Variants in PGM3 observed in about 807,000 individuals in gnomAD.
The protein encoded by PGM3 is phosphoglucomutase 3, also known as phosphoacetylglucosamine mutase.
PGM3 carries 40 observed loss-of-function variants against 66.2 expected under a neutral mutation model. That is an observed-to-expected ratio of 0.60 (90% CI 0.47 to 0.79). The LOEUF (loss-of-function observed/expected upper bound fraction) is 0.79, where lower values mean the gene tolerates loss of function less well. Ranked by LOEUF, PGM3 falls within the 30% of genes least tolerant of loss-of-function variation. The probability of loss-of-function intolerance (pLI) is 0.00; values close to 1 mark genes in which losing one functional copy is unlikely to be tolerated. For missense variants in PGM3, 537 were observed against 643.4 expected, an observed-to-expected ratio of 0.83 and a Z score of 1.79; for synonymous variants, 191 against 224.2, an observed-to-expected ratio of 0.85 and a Z score of 1.32.
At position 83,166,502 on chromosome 6, in the gene PGM3, T is replaced by C. The variant is rs547138127; in HGVS notation, c.*2732A>G. The C allele has an allele frequency of 1.0e-3, 718 of 697,752 alleles. No homozygotes were observed. The highest frequency in any genetic ancestry group is 1.7e-3 in the Non-Finnish European group (637 of 384,540). 43.2% of individuals were successfully genotyped at this position (697,752 alleles called of 1,614,324 possible). On this transcript the variant is annotated 3_prime_UTR_variant, in exon 13 of 13. Coordinates refer to ENST00000513973, the MANE Select transcript of PGM3 (RefSeq NM_015599.3). ...CTCAGAAAATCGCTAAATTTGATTTTTGTCTAACATCATTTCCATAGTCTA... is the reference window on the plus strand; with the variant it reads ...CTCAGAAAATCGCTAAATTTGATTTCTGTCTAACATCATTTCCATAGTCTA...
At chr6:83,171,608 A>G (rs1010753022) in intron 11 of PGM3, among the ~76,000 whole-genome samples, 1 of 152,156 alleles carries the variant, frequency 6.6e-6, no homozygotes, top group Non-Finnish European at 1.5e-5. Context: ...CTCCTGCCTC[A>G]GCCTCCCAAG....
At chr6:83,149,302 T>C in the PGM3 span, among the ~76,000 whole-genome samples, 2 of 152,186 alleles carry the variant, frequency 1.3e-5, no homozygotes, top group African/African-American at 4.8e-5. Context: ...GATTATTTGA[T>C]AAATGTTAGT....
chr6:83,161,782 T>C (rs1367201447), downstream of PGM3, among the ~76,000 whole-genome samples: 1 of 152,184 alleles, frequency 6.6e-6, no homozygotes, highest in African/African-American at 2.4e-5. Context: ...TACCAAAATT[T>C]AAAATATATA....
intron 2 of PGM3, 59 bp from the exon 3 acceptor site, chr6:83,188,857 C>T: frequency 2.7e-6 from 4 of 1,454,886 alleles, no homozygotes; most frequent in Non-Finnish European, 2.9e-6. Context: ...GAGTTGAGAA[C>T]AGAACTCAAA....
chr6:83,190,657 T>TA (rs904383780), intron 2 of PGM3, 152 bp downstream of exon 2: 14,978 of 422,162 alleles, frequency 0.035, 2 homozygotes, highest in South Asian at 0.042. Context: ...ATCATGCTCT[T>TA]AAAAAAAAAA....
At position 83,165,326 on chromosome 6, in the gene PGM3, A is replaced by G. The variant is rs1186073656; in HGVS notation, c.*3908T>C. 6.6e-6 allele frequency: 1 copy of G among 152,406 alleles called. No homozygotes were observed. 9.4% of individuals were successfully genotyped at this position (152,406 alleles called of 1,614,324 possible). On this transcript the variant is annotated 3_prime_UTR_variant, in exon 13 of 13. Coordinates refer to ENST00000513973, the MANE Select transcript of PGM3 (RefSeq NM_015599.3). Reference sequence around the variant, plus strand: ...TTGCTAGGAAGCAAACTTAAGTGATAGCTGTTAAGTTTTTTGGTTTGTTTT... The same window carrying G: ...TTGCTAGGAAGCAAACTTAAGTGATGGCTGTTAAGTTTTTTGGTTTGTTTT...
chr6:83,169,848 G>C, intron 12 of PGM3: 1 of 456,484 alleles, frequency 2.2e-6, no homozygotes, highest in Non-Finnish European at 4.4e-6. Flanking sequence ...ACCCCTGTCA[G>C]GGAAACAGGC....
Position 83,181,889 on chromosome 6 carries a change from A to C in PGM3, c.634T>G (p.Cys212Gly), listed in dbSNP as rs943321803. The C allele has an allele frequency of 6.2e-7, 1 of 1,613,776 alleles. No individual in the cohort carries two copies. Among genetic ancestry groups the C allele is most frequent in the Non-Finnish European group, 8.5e-7 (1 of 1,179,836 alleles). Reference sequence around the variant, plus strand: ...TTCAGGGCCCCTATGCCATTTGCACAGTCAACCTTAAGTGATCTGTATTCA... The same window carrying C: ...TTCAGGGCCCCTATGCCATTTGCACCGTCAACCTTAAGTGATCTGTATTCA... ...GDEYRSLKVDCANGIGALKLR... is the reference protein window; with the variant it reads ...GDEYRSLKVDGANGIGALKLR... Residue 212 changes from cysteine to glycine, a missense_variant, in exon 6 of 13, where the codon TGT (cysteine) becomes GGT (glycine). By Grantham distance (159) the Cys-to-Gly change is radical (BLOSUM62 -3). Transcript: ENST00000513973.
downstream of PGM3, chr6:83,164,832 C>A: frequency 1.2e-6 from 1 of 813,528 alleles, no homozygotes; most frequent in Non-Finnish European, 1.9e-6. Context: ...GGAAGGAAGT[C>A]TTTTTTCAAG....
At chr6:83,154,442 A>C in the PGM3 span, among the ~76,000 whole-genome samples, 1 of 152,236 alleles carries the variant, frequency 6.6e-6, no homozygotes, top group Non-Finnish European at 1.5e-5. Context: ...AGGACAACTT[A>C]AGTGATAAGT....
downstream of PGM3, chr6:83,159,925 C>T (rs376756770): frequency 1.4e-5 from 23 of 1,613,978 alleles, no homozygotes; most frequent in African/African-American, 1.5e-4. Context: ...ATTTGGCTCT[C>T]GCATTGCCCT....
intron 4 of PGM3, among the ~76,000 whole-genome samples, chr6:83,183,280 A>G (rs1004732037): frequency 1.1e-4 from 17 of 152,224 alleles, no homozygotes; most frequent in African/African-American, 4.1e-4. Flanking sequence ...CCTGGAAACA[A>G]CCAACATGCT....
intron 8 of PGM3, 62 bp downstream of exon 8, chr6:83,178,611 T>C (rs1787948217): frequency 2.2e-6 from 2 of 901,622 alleles, no homozygotes; most frequent in African/African-American, 1.6e-5. Flanking sequence ...GAGGGCAGTA[T>C]CTTTCTCACA....
chr6:83,191,061 A>T (rs191815328), intron 1 of PGM3, 47 bp from the exon 2 acceptor site: 3 of 1,576,326 alleles, frequency 1.9e-6, no homozygotes, highest in Admixed American at 3.3e-5. Flanking sequence ...GTAATTTCTT[A>T]AGAACCATTT....
At chr6:83,153,154 GTT>G in the PGM3 span, among the ~76,000 whole-genome samples, 1 of 151,010 alleles carries the variant, frequency 6.6e-6, no homozygotes, top group African/African-American at 2.4e-5. Flanking sequence ...TCAATTGTTT[GTT>G]TTTTTTTCCT....
downstream of PGM3, chr6:83,157,037 T>C: frequency 1.4e-6 from 1 of 701,788 alleles, no homozygotes; most frequent in South Asian, 2.3e-5. Context: ...TATTCGTTGT[T>C]TTATGAAAAT....
At chr6:83,170,635 A>G (rs1786894171) in intron 11 of PGM3, 157 bp from the exon 12 acceptor site, 2 of 626,522 alleles carry the variant, frequency 3.2e-6, no homozygotes, top group South Asian at 4.7e-5. Flanking sequence ...ACATTTGTGC[A>G]ACTTTTCTCT....
In PGM3 at chr6:83,168,919, G is replaced by C; in HGVS notation, c.*315C>G. 4 of 1,090,070 alleles carry C rather than the reference G, an allele frequency of 3.7e-6. No homozygotes were observed. Among genetic ancestry groups the C allele is most frequent in the Non-Finnish European group, 4.5e-6 (4 of 893,534 alleles). 67.5% of individuals were successfully genotyped at this position (1,090,070 alleles called of 1,614,324 possible). A position where few individuals can be genotyped will look rare whatever the true frequency, so the allele number is the denominator to read the frequency against. ...AGATATCACAAGGAGTTGGTAATAA[G>C]ATTTAATTTTCCAGTAGCCTGCATG... On this transcript the variant is annotated 3_prime_UTR_variant, in exon 13 of 13. Transcript: ENST00000513973.
downstream of PGM3, chr6:83,164,764 C>T: frequency 6.6e-7 from 1 of 1,515,694 alleles, no homozygotes. Flanking sequence ...GCAAAAGTTG[C>T]CAAATATTGA....
Sources: allele counts gnomAD v4.1 joint callset (sites outside exome capture counted in the v4.1 genomes callset), GRCh38; gene constraint gnomAD v4.1.1; transcripts MANE v1.5; gene names NCBI Gene and HGNC (gene_info 2026-07-23, HGNC 2026-07-21).